The following CDK13 variants were observed in gnomAD, a reference collection of about 807,000 sequenced individuals.
CDK13 encodes the protein cyclin-dependent kinase 13.
Under a neutral mutation model 137.6 loss-of-function variants are expected in CDK13, and 40 were observed. That is an observed-to-expected ratio of 0.29 (90% CI 0.23 to 0.38). The LOEUF is 0.38. CDK13 is among the 10% of genes least tolerant of loss of function. The probability of loss-of-function intolerance (pLI) is 1.00; values close to 1 mark genes in which losing one functional copy is unlikely to be tolerated. For synonymous variants in CDK13, 869 were observed against 760.1 expected, an observed-to-expected ratio of 1.14 and a Z score of -2.36; for missense variants, 1,704 against 1,951.8, an observed-to-expected ratio of 0.87 and a Z score of 2.39.
Position 40,008,395 on chromosome 7 carries a change from TAAAC to T in CDK13, c.2353+6374_2353+6377del, listed in dbSNP as rs771789491. 4.6e-4 allele frequency among the ~76,000 whole-genome samples: 70 copies of T among 152,318 alleles called. 1 individual carries two copies. The highest frequency in any genetic ancestry group is 9.8e-4 in the Admixed American group (15 of 15,288). ...ATGTCCATCTAAATACTGGGGATAT[TAAAC>T]AAACAAACATCTGGTCCCTGACTCA... On this transcript the variant is annotated intron_variant, in intron 5 of 13. Transcript: ENST00000181839.
chr7:39,990,777 AT>A (rs1784439633), intron 2 of CDK13, among the ~76,000 whole-genome samples: 1 of 152,220 alleles, frequency 6.6e-6, no homozygotes, highest in Non-Finnish European at 1.5e-5. Context: ...AACCTCACAG[AT>A]TAGTTGTAAA....
At position 40,093,195 on chromosome 7, in the gene CDK13, T is replaced by C; in HGVS notation, c.3646T>C (p.Leu1216=). The C allele has an allele frequency of 6.2e-7, 1 of 1,613,886 alleles. No individual in the cohort carries two copies. Residue 1216 remains leucine (L), a synonymous_variant, in exon 13 of 14, where the codon TTA becomes CTA. Transcript: ENST00000181839. ...AAATGGATCGGGACATGAAGCGTCA[T>C]TACAACTCAGGCCACCTCCAGAACC... ...RENGSGHEAS[L]QLRPPPEPST...
chr7:40,054,435 CTT>C (rs962469317), intron 7 of CDK13, among the ~76,000 whole-genome samples: 57 of 146,316 alleles, frequency 3.9e-4, no homozygotes, highest in Non-Finnish European at 7.3e-4. Flanking sequence ...AGTCTGATGA[CTT>C]TTTTTTTTTT....
chr7:40,063,160 T>A (rs936181292), intron 9 of CDK13, 60 bp downstream of exon 9: 1 of 1,279,268 alleles, frequency 7.8e-7, no homozygotes. Flanking sequence ...CACAGGAAAT[T>A]TAAACTCTCC....
intron 5 of CDK13, among the ~76,000 whole-genome samples, chr7:40,010,211 G>A (rs556989534): frequency 3.9e-5 from 6 of 152,186 alleles, no homozygotes; most frequent in Non-Finnish European, 8.8e-5. Context: ...CCATCTCAGG[G>A]CAATGGGAGA....
intron 9 of CDK13, chr7:40,073,549 CTTTTCTTTCTTTTTCT>C (rs577268913): frequency 0.11 from 16,191 of 149,646 alleles, 995 homozygotes; most frequent in Middle Eastern, 0.17. Flanking sequence ...TGTAATAAAG[CTTTTCTTTCTTTTTCT>C]TTTTCTTTCT....
At chr7:40,038,754 G>A (rs1024769527) in intron 5 of CDK13, among the ~76,000 whole-genome samples, 2 of 151,754 alleles carry the variant, frequency 1.3e-5, no homozygotes, top group African/African-American at 2.4e-5. Context: ...GGAGTGCAAT[G>A]GCATGATCTT....
chr7:40,051,762 C>T (rs1785894139), intron 7 of CDK13, among the ~76,000 whole-genome samples: 1 of 152,050 alleles, frequency 6.6e-6, no homozygotes, highest in Non-Finnish European at 1.5e-5. Context: ...GGTCTGTGAC[C>T]AATGTGGATC....
At chr7:40,053,494 G>A (rs1207509800) in intron 7 of CDK13, among the ~76,000 whole-genome samples, 1 of 152,012 alleles carries the variant, frequency 6.6e-6, no homozygotes, top group African/African-American at 2.4e-5. Flanking sequence ...TGAACTATTT[G>A]TAGTTCCCTA....
chr7:40,094,775 C>T lies in CDK13; in HGVS notation c.4334C>T (p.Thr1445Met), dbSNP rs755651415. Reference protein sequence around the residue: ...AVLANSSDPSTGPESTHPLPA... With the variant: ...AVLANSSDPSMGPESTHPLPA... ...CTGGCAAACAGCAGTGACCCTTCCA[C>T]GGGGCCAGAGAGTACTCATCCTTTG... is the stretch of plus-strand genomic sequence containing the variant. The change falls in exon 14 of 14, where the codon ACG becomes ATG. Residue 1445 changes from threonine (T) to methionine (M), a missense_variant. Physicochemically the swap from Thr to Met is moderately conservative, Grantham distance 81. This residue lies in a region of CDK13 where 475 missense variants were observed against 579.3 expected (regional missense o/e 0.82). Transcript: ENST00000181839. 3.0e-5 allele frequency: 49 copies of T among 1,611,468 alleles called. No homozygotes were observed. In the South Asian group the frequency reaches 3.6e-4, roughly 12 times the overall value.
At position 40,094,873 on chromosome 7, in the gene CDK13, G is replaced by A. The variant is rs2150548947; in HGVS notation, c.4432G>A (p.Gly1478Arg). ...TCCGAGTGGCCCCAGCCTCATGCAT[G>A]GACAGACCTGGACTTCTCCTGCCCA... is the stretch of plus-strand genomic sequence containing the variant. Reference protein sequence around the residue: ...ENPSGPSLMHGQTWTSPAQGP... With the variant: ...ENPSGPSLMHRQTWTSPAQGP... Residue 1478 changes from glycine to arginine, a missense_variant, in exon 14 of 14, where the codon GGA (glycine) becomes AGA (arginine). Physicochemically the swap from Gly to Arg is moderately radical, Grantham distance 125. Around this residue, in one of 5 missense-constraint regions of CDK13, gnomAD observed 475 missense variants for 579.3 expected, o/e 0.82. Coordinates refer to ENST00000181839, the MANE Select transcript of CDK13 (RefSeq NM_003718.5). 2 of 1,521,698 alleles carry A rather than the reference G, an allele frequency of 1.3e-6. No individual in the cohort carries two copies. Among genetic ancestry groups the A allele is most frequent in the Non-Finnish European group, 8.8e-7 (1 of 1,136,666 alleles). 94.3% of individuals were successfully genotyped at this position (1,521,698 alleles called of 1,614,324 possible). A position where few individuals can be genotyped will look rare whatever the true frequency, so the allele number is the denominator to read the frequency against.
intron 1 of CDK13, among the ~76,000 whole-genome samples, chr7:39,975,034 A>G (rs1355265555): frequency 1.3e-5 from 2 of 152,164 alleles, no homozygotes; most frequent in African/African-American, 4.8e-5. Flanking sequence ...TTTTTTAATA[A>G]AAATAATGAC....
intron 7 of CDK13, among the ~76,000 whole-genome samples, chr7:40,057,097 C>T (rs1048832468): frequency 6.6e-6 from 1 of 152,022 alleles, no homozygotes; most frequent in Non-Finnish European, 1.5e-5. Context: ...TCTACTAAAA[C>T]TACAAAAATT....
rs1402292865 is a variant in CDK13, at chr7:40,059,151, A to G, written c.2601-3675A>G. ...GAACCCCCAAATACTTCAAGGATCTAGGATTTTGTTCTGTTTTTCTATATA... is the reference window on the plus strand; with the variant it reads ...GAACCCCCAAATACTTCAAGGATCTGGGATTTTGTTCTGTTTTTCTATATA... On this transcript the variant is annotated intron_variant, in intron 7 of 13. Transcript: ENST00000181839. 2.0e-5 allele frequency: 3 copies of G among 152,198 alleles called. No individual in the cohort carries two copies. The East Asian group carries it at 5.8e-4, about 29-fold the overall frequency. The allele number at this position is 152,198 out of a possible 1,614,324, so 9.4% of individuals were successfully genotyped here.
Position 39,950,889 on chromosome 7 carries a change from CG to C in CDK13, c.251del (p.Gly84AlafsTer57). 1 of 1,351,914 alleles carries C rather than the reference CG, an allele frequency of 7.4e-7. No individual in the cohort carries two copies. Among genetic ancestry groups the C allele is most frequent in the Non-Finnish European group, 9.4e-7 (1 of 1,062,218 alleles). 83.7% of individuals were successfully genotyped at this position (1,351,914 alleles called of 1,614,324 possible). On this transcript the variant is annotated frameshift_variant, in exon 1 of 14. Transcript: ENST00000181839. LOFTEE classifies it high-confidence loss of function. The part of the protein sequence containing the change: ...AAAASSSCFS[P>X]GPPLEVKRLA... ...GCGGCCTCCTCCTCTTGCTTCAGCC[CG>C]GGCCCCCCTCTGGAGGTCAAGCGGC...
intron 11 of CDK13, among the ~76,000 whole-genome samples, chr7:40,087,435 G>A (rs1317314681): frequency 6.6e-6 from 1 of 151,988 alleles, no homozygotes; most frequent in Non-Finnish European, 1.5e-5. Context: ...GAGCCACTGT[G>A]CCTGGCTGGA....
In CDK13 at chr7:39,987,587, A is replaced by T. The variant is rs776708945; in HGVS notation, c.1212-12A>T. 2.6e-5 allele frequency: 40 copies of T among 1,556,748 alleles called. No homozygotes were observed. Among genetic ancestry groups the T allele is most frequent in the Non-Finnish European group, 3.4e-5 (39 of 1,156,754 alleles). ...CTCAATTACTGATTAAATCTTAATT[A>T]TTTCTCACCAGACGGTCTGGAAAAT... On this transcript the variant is annotated splice_polypyrimidine_tract_variant and intron_variant, in intron 1 of 13. Coordinates refer to ENST00000181839, the MANE Select transcript of CDK13 (RefSeq NM_003718.5).
At chr7:40,063,645 CTTTTA>C (rs990376708) in intron 9 of CDK13, among the ~76,000 whole-genome samples, 43 of 151,882 alleles carry the variant, frequency 2.8e-4, no homozygotes, top group African/African-American at 5.6e-4. Context: ...TTCTCTTTAT[CTTTTA>C]TTTTATTTTA....
chr7:40,046,075 T>G lies in CDK13; in HGVS notation c.2543+50T>G, dbSNP rs374876391. On this transcript the variant is annotated intron_variant, in intron 6 of 13. Transcript: ENST00000181839. ...TTTAAAATGAGTTTTACCATGGACA[T>G]GTACATGGAGAGAATAGACTGGAAA... 458 of 1,151,938 alleles carry G rather than the reference T, an allele frequency of 4.0e-4. 3 individuals carry two copies. The highest frequency in any genetic ancestry group is 2.0e-4 in the Non-Finnish European group (161 of 793,830). 71.4% of individuals were successfully genotyped at this position (1,151,938 alleles called of 1,614,324 possible).
Sources: allele counts gnomAD v4.1 joint callset (sites outside exome capture counted in the v4.1 genomes callset), GRCh38; gene constraint gnomAD v4.1.1; regional missense constraint gnomAD v4.1.1; transcripts MANE v1.5; gene names NCBI Gene and HGNC (gene_info 2026-07-23, HGNC 2026-07-21).